PTPRT: variants seen among roughly 807,000 people sequenced by gnomAD.
The protein encoded by PTPRT is protein tyrosine phosphatase receptor type T.
Under a neutral mutation model 176.8 loss-of-function variants are expected in PTPRT, and 56 were observed. That is an observed-to-expected ratio of 0.32 (90% CI 0.26 to 0.40). The LOEUF (loss-of-function observed/expected upper bound fraction) is 0.40. PTPRT is among the 10% of genes least tolerant of loss of function. PTPRT has a pLI of 1.00. For missense variants in PTPRT, 1,540 were observed against 1,908.2 expected, an observed-to-expected ratio of 0.81 and a Z score of 3.60; for synonymous variants, 783 against 739.0, an observed-to-expected ratio of 1.06 and a Z score of -0.96.
At chr20:42,839,316 T>C (rs530974654) in intron 2 of PTPRT, among the ~76,000 whole-genome samples, 18 of 151,986 alleles carry the variant, frequency 1.2e-4, no homozygotes, top group African/African-American at 4.1e-4. Context: ...TGTTTTTTTT[T>C]TTTTTTTAAA....
chr20:42,171,392 A>G (rs1324435624), intron 16 of PTPRT, among the ~76,000 whole-genome samples: 1 of 152,224 alleles, frequency 6.6e-6, no homozygotes, highest in Non-Finnish European at 1.5e-5. Context: ...AAAATCTAAT[A>G]TAAAAATTCT....
At position 42,575,812 on chromosome 20, in the gene PTPRT, G is replaced by A. The variant is rs138597731; in HGVS notation, c.1153+102054C>T. 3.9e-4 allele frequency among the ~76,000 whole-genome samples: 60 copies of A among 152,014 alleles called. 2 individuals are homozygous for A. In the East Asian group the frequency reaches 0.01, roughly 27 times the overall value. ...CTGAACCTGCCCACTTTTCTCCAGCGCCCACACCCTCGCCACACTAGTCCA... is the reference window on the plus strand; with the variant it reads ...CTGAACCTGCCCACTTTTCTCCAGCACCCACACCCTCGCCACACTAGTCCA... On this transcript the variant is annotated intron_variant, in intron 7 of 30. Coordinates refer to ENST00000373187, the MANE Select transcript of PTPRT (RefSeq NM_007050.6).
chr20:42,450,654 A>G (rs752617809), intron 8 of PTPRT, among the ~76,000 whole-genome samples: 1 of 152,132 alleles, frequency 6.6e-6, no homozygotes, highest in Non-Finnish European at 1.5e-5. Flanking sequence ...TTTTGAAATC[A>G]CTTAGGTATG....
chr20:43,128,798 T>A (rs2013542648), intron 1 of PTPRT, among the ~76,000 whole-genome samples: 1 of 152,206 alleles, frequency 6.6e-6, no homozygotes, highest in African/African-American at 2.4e-5. Context: ...TCTGTCTGGC[T>A]GGGTTTCAAA....
chr20:42,203,556 G>T (rs1482652549), intron 15 of PTPRT, among the ~76,000 whole-genome samples: 2 of 152,166 alleles, frequency 1.3e-5, no homozygotes, highest in African/African-American at 4.8e-5. Context: ...AAGGCTCAAT[G>T]TAAGTGTCAC....
At chr20:42,546,355 T>G (rs2072673771) in intron 7 of PTPRT, among the ~76,000 whole-genome samples, 1 of 152,104 alleles carries the variant, frequency 6.6e-6, no homozygotes, top group Admixed American at 6.5e-5. Context: ...TGAACACAGT[T>G]TGAACACTCA....
chr20:42,583,150 C>T (rs1056543327), intron 7 of PTPRT, among the ~76,000 whole-genome samples: 5 of 152,168 alleles, frequency 3.3e-5, no homozygotes, highest in South Asian at 4.1e-4. Flanking sequence ...TCCTTCAAAC[C>T]GACAGGTCCA....
intron 20 of PTPRT, among the ~76,000 whole-genome samples, chr20:42,119,124 T>C (rs1056698422): frequency 6.6e-6 from 1 of 151,650 alleles, no homozygotes; most frequent in African/African-American, 2.4e-5. Flanking sequence ...CCTTCATCAT[T>C]TTTAAAATTA....
intron 1 of PTPRT, among the ~76,000 whole-genome samples, chr20:43,120,443 T>C (rs1008133171): frequency 8.5e-5 from 13 of 152,156 alleles, no homozygotes; most frequent in African/African-American, 2.9e-4. Flanking sequence ...GGCTAATTGT[T>C]TGTATTTTTA....
chr20:43,145,100 G>C (rs1009956857), intron 1 of PTPRT, among the ~76,000 whole-genome samples: 7 of 152,154 alleles, frequency 4.6e-5, no homozygotes, highest in African/African-American at 1.2e-4. Flanking sequence ...TCCTCTCATG[G>C]TATCTCCTGC....
intron 1 of PTPRT, among the ~76,000 whole-genome samples, chr20:42,998,355 C>T (rs1984345346): frequency 1.3e-5 from 2 of 152,024 alleles, no homozygotes; most frequent in Admixed American, 6.6e-5. Context: ...TATGATTCTG[C>T]GGTAAGCTGA....
chr20:42,089,833 G>A (rs991329921), intron 27 of PTPRT, among the ~76,000 whole-genome samples: 1 of 152,092 alleles, frequency 6.6e-6, no homozygotes, highest in African/African-American at 2.4e-5. Context: ...GAAAGCAGGG[G>A]GGCCATGTTT....
At chr20:42,946,102 G>C (rs77672562) in intron 1 of PTPRT, among the ~76,000 whole-genome samples, 9 of 152,250 alleles carry the variant, frequency 5.9e-5, no homozygotes, top group Non-Finnish European at 1.0e-4. Flanking sequence ...TAGAGATGTC[G>C]AGTCAGAGAG....
chr20:43,054,508 T>C (rs1044649027), intron 1 of PTPRT, among the ~76,000 whole-genome samples: 1 of 151,326 alleles, frequency 6.6e-6, no homozygotes, highest in Non-Finnish European at 1.5e-5. Flanking sequence ...GGGCCAAGAT[T>C]GTACCACTAT....
intron 6 of PTPRT, among the ~76,000 whole-genome samples, chr20:42,706,854 G>A (rs1258890573): frequency 6.6e-6 from 1 of 152,184 alleles, no homozygotes; most frequent in Non-Finnish European, 1.5e-5. Context: ...TGGAAATAGG[G>A]TTGTTGCAGA....
chr20:42,643,565 A>G (rs929518354), intron 7 of PTPRT, among the ~76,000 whole-genome samples: 2 of 151,120 alleles, frequency 1.3e-5, no homozygotes, highest in Non-Finnish European at 2.9e-5. Flanking sequence ...AATCCTCCCA[A>G]CTTGGCCTCC....
intron 1 of PTPRT, among the ~76,000 whole-genome samples, chr20:43,098,530 T>C (rs2012258933): frequency 6.6e-6 from 1 of 151,466 alleles, no homozygotes. Context: ...CTTCAAAAGG[T>C]GACAACTCTT....
chr20:42,418,241 C>T (rs1485874724), intron 9 of PTPRT, among the ~76,000 whole-genome samples: 1 of 152,242 alleles, frequency 6.6e-6, no homozygotes, highest in East Asian at 1.9e-4. Flanking sequence ...TTACATATTA[C>T]TAAAACTATA....
chr20:42,815,078 T>G (rs149163311), intron 2 of PTPRT, among the ~76,000 whole-genome samples: 25 of 152,304 alleles, frequency 1.6e-4, no homozygotes. Context: ...AAAGGTATAC[T>G]TTCTCCATCT....
Sources: gnomAD v4.1 joint callset for allele counts (sites outside exome capture counted in the v4.1 genomes callset) on GRCh38, gnomAD v4.1.1 for gene constraint, MANE v1.5 for transcripts, NCBI Gene and HGNC (gene_info 2026-07-23, HGNC 2026-07-21) for gene names.